The following PTPRA variants were observed in gnomAD, a reference collection of about 807,000 sequenced individuals.
The protein encoded by PTPRA is protein tyrosine phosphatase receptor type A, also known as receptor-type tyrosine-protein phosphatase alpha.
A neutral mutation model predicts 104.8 loss-of-function variants in PTPRA; 25 were observed. That is an observed-to-expected ratio of 0.24 (90% CI 0.17 to 0.33). The LOEUF (loss-of-function observed/expected upper bound fraction) is 0.33. Ranked by LOEUF, PTPRA falls within the 10% of genes least tolerant of loss-of-function variation. The pLI is 1.00. For missense variants in PTPRA, 765 were observed against 1,015.3 expected, an observed-to-expected ratio of 0.75 and a Z score of 3.35; for synonymous variants, 323 against 368.9, an observed-to-expected ratio of 0.88 and a Z score of 1.43.
At chr20:3,028,743 T>G (rs2065268761) in intron 20 of PTPRA, among the ~76,000 whole-genome samples, 1 of 152,190 alleles carries the variant, frequency 6.6e-6, no homozygotes, top group Non-Finnish European at 1.5e-5. Flanking sequence ...GAAAATTCCT[T>G]CTAAGCCACA....
At chr20:2,953,770 G>A (rs907805969) in intron 3 of PTPRA, among the ~76,000 whole-genome samples, 5 of 151,400 alleles carry the variant, frequency 3.3e-5, no homozygotes, top group Admixed American at 1.3e-4. Context: ...ACCACACCCA[G>A]CTAGTTTTTG....
intron 2 of PTPRA, among the ~76,000 whole-genome samples, chr20:2,943,127 G>A (rs756809612): frequency 8.0e-5 from 12 of 150,738 alleles, no homozygotes; most frequent in Non-Finnish European, 1.8e-4. Context: ...TAGCCTGCAT[G>A]TATAGGAATG....
In PTPRA at chr20:3,021,926, TTAAC is replaced by T. The variant is rs1276354600; in HGVS notation, c.1162-122_1162-119del. 21 of 1,216,502 alleles carry T rather than the reference TTAAC, an allele frequency of 1.7e-5. No individual in the cohort carries two copies. In the African/African-American group the frequency reaches 2.9e-4, roughly 17 times the overall value. The allele number at this position is 1,216,502 out of a possible 1,614,324, so 75.4% of individuals were successfully genotyped here. A position where few individuals can be genotyped will look rare whatever the true frequency, so the allele number is the denominator to read the frequency against. ...TAGTTGTGAGACCTTGTGTCTGTGG[TTAAC>T]TAACTCCCCTGGGTACACTTACTTT... is the stretch of plus-strand genomic sequence containing the variant. On this transcript the variant is annotated intron_variant, in intron 14 of 23. Transcript: ENST00000399903.
At position 2,950,408 on chromosome 20, in the gene PTPRA, G is replaced by T. The variant is rs1033901538; in HGVS notation, c.-7+2384G>T. On this transcript the variant is annotated intron_variant, in intron 3 of 23. Transcript: ENST00000399903. This position sits in a 1 kb window ranked among gnomAD's most constrained non-coding sequence, Gnocchi z 4.0. The stretch of plus-strand genomic sequence containing the variant: ...AATCCCAGCACTTTGGGAGGCCGAG[G>T]CGGGCGGATCACGAGGTCAAGAGAT... 6.6e-6 allele frequency among the ~76,000 whole-genome samples: 1 copy of T among 151,986 alleles called. No individual in the cohort carries two copies. Among genetic ancestry groups the T allele is most frequent in the African/African-American group, 2.4e-5 (1 of 41,364 alleles).
At chr20:2,898,751 G>C (rs988566945) in intron 1 of PTPRA, among the ~76,000 whole-genome samples, 6 of 152,004 alleles carry the variant, frequency 3.9e-5, no homozygotes, top group African/African-American at 1.4e-4. Context: ...CCAGCTGCTA[G>C]GGAGGCTGAG....
At position 2,951,100 on chromosome 20, in the gene PTPRA, C is replaced by T. The variant is rs184928308; in HGVS notation, c.-7+3076C>T. 2.0e-4 allele frequency among the ~76,000 whole-genome samples: 30 copies of T among 151,544 alleles called. No homozygotes were observed. The East Asian group carries it at 4.5e-3, about 23-fold the overall frequency. On this transcript the variant is annotated intron_variant, in intron 3 of 23. Coordinates refer to ENST00000399903, the MANE Select transcript of PTPRA (RefSeq NM_001385305.1). ...TGTTTGTTTGTTTGTTTGTTTCTTT[C>T]TTTCTTTCTTTTTTTTTTAGACGGA... is the stretch of plus-strand genomic sequence containing the variant.
intron 1 of PTPRA, among the ~76,000 whole-genome samples, chr20:2,897,016 G>A (rs928993025): frequency 2.0e-5 from 3 of 152,118 alleles, no homozygotes; most frequent in Admixed American, 6.5e-5. Context: ...ATAGATTTAG[G>A]TTATGCATTT....
chr20:2,933,911 C>T (rs1205382563), intron 2 of PTPRA, among the ~76,000 whole-genome samples: 6 of 152,004 alleles, frequency 3.9e-5, no homozygotes, highest in Non-Finnish European at 2.9e-5. Flanking sequence ...GGAAGGCTAC[C>T]TCAGCCTGAG....
At chr20:2,864,251 C>T in the PTPRA span, 1 of 1,614,238 alleles carries the variant, frequency 6.2e-7, no homozygotes, top group Non-Finnish European at 8.5e-7. This position sits in a 1 kb window ranked among gnomAD's most constrained non-coding sequence, Gnocchi z 5.2. Flanking sequence ...CAAACTGGCA[C>T]TAAGCAAGGC....
intron 3 of PTPRA, among the ~76,000 whole-genome samples, chr20:2,953,262 AT>A (rs1325570592): frequency 7.5e-5 from 11 of 147,196 alleles, no homozygotes; most frequent in Non-Finnish European, 9.0e-5. Context: ...TTATTTATTT[AT>A]TTTTTTTTTG....
At chr20:3,000,904 G>A (rs769903758) in intron 9 of PTPRA, among the ~76,000 whole-genome samples, 8 of 152,166 alleles carry the variant, frequency 5.3e-5, no homozygotes, top group Admixed American at 1.3e-4. Context: ...GAGAGGGGAA[G>A]GAAGAGGATA....
intron 3 of PTPRA, among the ~76,000 whole-genome samples, chr20:2,948,522 C>T (rs978602405): frequency 1.2e-4 from 19 of 152,106 alleles, no homozygotes; most frequent in African/African-American, 3.4e-4. Context: ...TTTGCCATAC[C>T]ATTAGTGCTT....
intron 11 of PTPRA, among the ~76,000 whole-genome samples, chr20:3,008,837 G>A (rs538722178): frequency 9.9e-5 from 15 of 152,066 alleles, no homozygotes; most frequent in Admixed American, 3.3e-4. Flanking sequence ...GCTTGAACCC[G>A]GGAGGCGGAG....
Position 2,934,405 on chromosome 20 carries a change from T to A in PTPRA, c.-50+11120T>A, listed in dbSNP as rs2060616266. 4.6e-5 allele frequency among the ~76,000 whole-genome samples: 7 copies of A among 152,188 alleles called. No individual in the cohort carries two copies. The South Asian group carries it at 1.2e-3, about 27-fold the overall frequency. On this transcript the variant is annotated intron_variant, in intron 2 of 23. Coordinates refer to ENST00000399903, the MANE Select transcript of PTPRA (RefSeq NM_001385305.1). Reference sequence around the variant, plus strand: ...AAGGCATGAGCCACCGGGTATTTTTTATCATATTCCCAATACTTATGTATA... The same window carrying A: ...AAGGCATGAGCCACCGGGTATTTTTAATCATATTCCCAATACTTATGTATA...
chr20:3,024,473 T>G lies in PTPRA; in HGVS notation c.1466T>G (p.Met489Arg). ...ACTTCTGTGTCATTCATGTTTCAGA[T>G]GCAGTATGTCTTCATATACCAAGCC... The part of the protein sequence containing the change: ...AQRCQMVQTD[M>R]QYVFIYQALL... The change falls in exon 17 of 24, where the codon ATG (methionine) becomes AGG (arginine). Residue 489 changes from methionine to arginine, a missense_variant and splice_region_variant. Physicochemically the swap from Met to Arg is moderately conservative, Grantham distance 91. Transcript: ENST00000399903. 1 of 1,612,416 alleles carries G rather than the reference T, an allele frequency of 6.2e-7. No individual in the cohort carries two copies. Among genetic ancestry groups the G allele is most frequent in the Non-Finnish European group, 8.5e-7 (1 of 1,178,652 alleles).
intron 3 of PTPRA, among the ~76,000 whole-genome samples, chr20:2,955,256 T>C (rs1021348777): frequency 6.6e-6 from 1 of 152,252 alleles, no homozygotes; most frequent in Non-Finnish European, 1.5e-5. Flanking sequence ...TAAATTTTCA[T>C]ATTGTTCTTT....
At chr20:2,938,653 A>G (rs2060796412) in intron 2 of PTPRA, among the ~76,000 whole-genome samples, 1 of 152,014 alleles carries the variant, frequency 6.6e-6, no homozygotes, top group Non-Finnish European at 1.5e-5. Flanking sequence ...TACAGACTGG[A>G]TGATTTCCAT....
intron 1 of PTPRA, among the ~76,000 whole-genome samples, chr20:2,883,209 G>T (rs1161322624): frequency 6.6e-6 from 1 of 151,872 alleles, no homozygotes; most frequent in Non-Finnish European, 1.5e-5. Context: ...ACCTAAATCT[G>T]AAACACTTCT....
rs1351957741 is a variant in PTPRA at position 2,931,733 on chromosome 20, TGTG to T, written c.-50+8449_-50+8451del. Among the ~76,000 whole-genome samples, 3 of 151,992 alleles carry T rather than the reference TGTG, an allele frequency of 2.0e-5. No homozygotes were observed. The East Asian group carries it at 5.8e-4, about 29-fold the overall frequency. On this transcript the variant is annotated intron_variant, in intron 2 of 23. Transcript: ENST00000399903. ...GGGTCTTGGCTTGTGTGTGTGTGTG[TGTG>T]TGTGTGTGTGTAAGAGACTGGGTCT...
Sources: gnomAD v4.1 joint callset for allele counts (sites outside exome capture counted in the v4.1 genomes callset) on GRCh38, gnomAD v4.1.1 for gene constraint, Gnocchi (gnomAD v3.1) non-coding constraint, MANE v1.5 for transcripts, NCBI Gene and HGNC (gene_info 2026-07-23, HGNC 2026-07-21) for gene names.